The following TBC1D19 variants were observed in gnomAD, a reference collection of about 807,000 sequenced individuals.
TBC1D19 encodes the protein TBC1 domain family, member 19.
Under a neutral mutation model 89.0 loss-of-function variants are expected in TBC1D19, and 60 were observed. That is an observed-to-expected ratio of 0.67 (90% CI 0.55 to 0.84). The LOEUF (loss-of-function observed/expected upper bound fraction) is 0.84, where lower values mean the gene tolerates loss of function less well. Among genes scored for constraint, TBC1D19 ranks in the 40% least tolerant of loss-of-function variants. The pLI, the probability that TBC1D19 is intolerant of heterozygous loss-of-function variation, is 0.00. For missense variants in TBC1D19, 500 were observed against 610.8 expected, an observed-to-expected ratio of 0.82 and a Z score of 1.91; for synonymous variants, 189 against 199.7, an observed-to-expected ratio of 0.95 and a Z score of 0.45.
chr4:26,637,581 T>C (rs762028973), intron 5 of TBC1D19, among the ~76,000 whole-genome samples: 8 of 152,030 alleles, frequency 5.3e-5, no homozygotes, highest in Admixed American at 1.3e-4. Flanking sequence ...ACTGTGTTAG[T>C]CAGGAGGGTC....
chr4:26,684,591 T>C (rs1713647447), intron 12 of TBC1D19, among the ~76,000 whole-genome samples: 1 of 152,166 alleles, frequency 6.6e-6, no homozygotes, highest in African/African-American at 2.4e-5. Context: ...TTGAACCAGA[T>C]TGGTCTGGTG....
chr4:26,578,425 T>G (rs1739013148), intron 1 of TBC1D19, among the ~76,000 whole-genome samples: 2 of 152,296 alleles, frequency 1.3e-5, no homozygotes, highest in Admixed American at 1.3e-4. Flanking sequence ...ATGCTTGTCT[T>G]GTAGATATTG....
chr4:26,722,943 A>T (rs1717069756), intron 15 of TBC1D19, among the ~76,000 whole-genome samples: 1 of 152,162 alleles, frequency 6.6e-6, no homozygotes, highest in Non-Finnish European at 1.5e-5. Flanking sequence ...CAGAAGCAAC[A>T]TTCTTATCAG....
chr4:26,628,221 GC>G, intron 4 of TBC1D19, among the ~76,000 whole-genome samples: 1 of 152,128 alleles, frequency 6.6e-6, no homozygotes, highest in South Asian at 2.1e-4. Context: ...ATTTCTGAGG[GC>G]CCTGTTCTGT....
the TBC1D19 span, among the ~76,000 whole-genome samples, chr4:26,794,258 C>A: frequency 1.3e-5 from 2 of 151,898 alleles, no homozygotes; most frequent in Non-Finnish European, 2.9e-5. Flanking sequence ...TTCTTTCAAA[C>A]TTGAAATTAA....
chr4:26,595,782 A>G (rs565737471), intron 1 of TBC1D19, among the ~76,000 whole-genome samples: 5 of 151,732 alleles, frequency 3.3e-5, no homozygotes, highest in African/African-American at 1.2e-4. Context: ...ATGTGGATCT[A>G]TTTCTAGGTC....
rs551352231 is a variant in TBC1D19, at chr4:26,684,096, C to T, written c.891+347C>T. ...ATTATAATATTTTTATCTTATGATT[C>T]TTTAGGGCCCACTTGTTTATTTTCT... On this transcript the variant is annotated intron_variant, in intron 12 of 20. Coordinates refer to ENST00000264866, the MANE Select transcript of TBC1D19 (RefSeq NM_018317.4). Among the ~76,000 whole-genome samples, 265 of 152,170 alleles carry T rather than the reference C, an allele frequency of 1.7e-3. 1 individual carries two copies. The highest frequency in any genetic ancestry group is 6.1e-3 in the African/African-American group (252 of 41,520).
At chr4:26,828,940 G>A in the TBC1D19 span, among the ~76,000 whole-genome samples, 1 of 152,204 alleles carries the variant, frequency 6.6e-6, no homozygotes, top group African/African-American at 2.4e-5. Context: ...AAAGAACTCA[G>A]GAAGGGAGAT....
upstream of TBC1D19, among the ~76,000 whole-genome samples, chr4:26,582,534 C>A (rs1229569953): frequency 6.6e-6 from 1 of 152,182 alleles, no homozygotes; most frequent in Non-Finnish European, 1.5e-5. Context: ...TGCTCTCTCT[C>A]CTCTCTCTGC....
chr4:26,697,935 C>T (rs1248961428), intron 13 of TBC1D19, among the ~76,000 whole-genome samples: 1 of 152,140 alleles, frequency 6.6e-6, no homozygotes. Context: ...GGAGGCATTC[C>T]CTTTGAAAAC....
intron 1 of TBC1D19, among the ~76,000 whole-genome samples, chr4:26,594,442 TA>T (rs928288891): frequency 1.3e-4 from 20 of 150,078 alleles, no homozygotes; most frequent in African/African-American, 3.7e-4. Context: ...AAGTATAATT[TA>T]AAAAAAAAAT....
the TBC1D19 span, among the ~76,000 whole-genome samples, chr4:26,851,315 A>ATCTGTCTGTCTGTCTGTCTG: frequency 7.0e-6 from 1 of 143,196 alleles, no homozygotes; most frequent in African/African-American, 2.5e-5. Context: ...CTATCTATCT[A>ATCTGTCTGTCTGTCTGTCTG]TCTATCTATC....
At chr4:26,631,853 ATAC>A (rs971342414) in intron 4 of TBC1D19, among the ~76,000 whole-genome samples, 3 of 152,134 alleles carry the variant, frequency 2.0e-5, no homozygotes, top group Non-Finnish European at 4.4e-5. Context: ...TCCATTGAGA[ATAC>A]TTTCTTATGA....
chr4:26,821,860 C>T, the TBC1D19 span, among the ~76,000 whole-genome samples: 6 of 152,236 alleles, frequency 3.9e-5, no homozygotes, highest in Admixed American at 2.6e-4. Flanking sequence ...CTTTTCTCCA[C>T]GGCCCTTCTC....
At chr4:26,856,130 G>C in the TBC1D19 span, among the ~76,000 whole-genome samples, 11 of 151,912 alleles carry the variant, frequency 7.2e-5, no homozygotes, top group East Asian at 1.3e-3. Flanking sequence ...CCCATCCCTC[G>C]CCCCATTCAC....
the TBC1D19 span, among the ~76,000 whole-genome samples, chr4:26,768,812 A>G: frequency 2.0e-5 from 3 of 151,478 alleles, no homozygotes; most frequent in African/African-American, 7.3e-5. Context: ...TAATAAAAAG[A>G]TAGTCAATTA....
At chr4:26,662,253 TATTACTC>T (rs1220837194) in intron 8 of TBC1D19, among the ~76,000 whole-genome samples, 6 of 152,110 alleles carry the variant, frequency 3.9e-5, no homozygotes, top group Non-Finnish European at 5.9e-5. Flanking sequence ...AACGATAAGA[TATTACTC>T]AAAACAAGAA....
chr4:26,852,707 C>T, the TBC1D19 span, among the ~76,000 whole-genome samples: 1 of 152,110 alleles, frequency 6.6e-6, no homozygotes, highest in Admixed American at 6.5e-5. Context: ...GCAACCTCTG[C>T]CTCCCGGGTT....
At chr4:26,777,558 C>A in the TBC1D19 span, among the ~76,000 whole-genome samples, 1 of 152,130 alleles carries the variant, frequency 6.6e-6, no homozygotes, top group Non-Finnish European at 1.5e-5. Flanking sequence ...TATGCTTCAG[C>A]CTCCAGAGTA....
Sources: gnomAD v4.1 joint callset for allele counts (sites outside exome capture counted in the v4.1 genomes callset) on GRCh38, gnomAD v4.1.1 for gene constraint, MANE v1.5 for transcripts, NCBI Gene and HGNC (gene_info 2026-07-23, HGNC 2026-07-21) for gene names.